Variants in ERLEC1 observed in about 807,000 individuals in gnomAD.
ERLEC1 encodes the protein endoplasmic reticulum lectin 1.
ERLEC1 carries 47 observed loss-of-function variants against 68.0 expected under a neutral mutation model. The ratio of observed to expected loss-of-function variants is 0.69; its 90% confidence interval spans 0.55 to 0.88. The LOEUF is 0.88. Among genes scored for constraint, ERLEC1 ranks in the 40% least tolerant of loss-of-function variants. The probability of loss-of-function intolerance (pLI) is 0.00; values close to 1 mark genes in which losing one functional copy is unlikely to be tolerated. For synonymous variants in ERLEC1, 225 were observed against 203.2 expected (o/e 1.11, Z -0.91); for missense variants, 567 against 583.8 (o/e 0.97, Z 0.30).
intron 13 of ERLEC1, among the ~76,000 whole-genome samples, chr2:53,817,430 G>A (rs10205725): frequency 0.016 from 2,406 of 152,186 alleles, 63 homozygotes; most frequent in African/African-American, 0.055. Flanking sequence ...ATCGTGCCCA[G>A]CCTCCACTTG....
chr2:53,797,841 T>A, intron 5 of ERLEC1, 46 bp downstream of exon 5: 1 of 1,466,348 alleles, frequency 6.8e-7, no homozygotes, highest in Non-Finnish European at 9.4e-7. Flanking sequence ...GAATTTGGTT[T>A]AAAATATATG....
In ERLEC1 at chr2:53,797,540, T is replaced by C; in HGVS notation, c.374T>C (p.Val125Ala). ...ATTGAGTCTTATTGGACTTACGAAG[T>C]ATGTCATGGAAAACACATTCGGCAG... ...YRIESYWTYE[V>A]CHGKHIRQYH... The change falls in exon 4 of 14, where the codon GTA becomes GCA. Residue 125 changes from valine (V) to alanine (A), a missense_variant. By Grantham distance (64) the Val-to-Ala change is moderately conservative. Transcript: ENST00000185150. The C allele has an allele frequency of 6.2e-7, 1 of 1,612,604 alleles. No individual in the cohort carries two copies. The highest frequency in any genetic ancestry group is 8.5e-7 in the Non-Finnish European group (1 of 1,179,544).
intron 2 of ERLEC1, among the ~76,000 whole-genome samples, chr2:53,795,298 T>C (rs1265458744): frequency 6.6e-6 from 1 of 152,164 alleles, no homozygotes; most frequent in East Asian, 1.9e-4. Flanking sequence ...CTTGAACAAA[T>C]TTGAAACTGA....
At chr2:53,816,024 C>G (rs534016952) in intron 13 of ERLEC1, among the ~76,000 whole-genome samples, 9 of 151,976 alleles carry the variant, frequency 5.9e-5, no homozygotes, top group African/African-American at 2.2e-4. Context: ...GAGATAGGGT[C>G]TCACCATATT....
intron 1 of ERLEC1, chr2:53,788,552 A>T (rs1049747428): frequency 7.0e-6 from 1 of 143,402 alleles, no homozygotes; most frequent in Non-Finnish European, 1.5e-5. Flanking sequence ...AAATCCCACC[A>T]CTCCTGGCTA....
intron 10 of ERLEC1, among the ~76,000 whole-genome samples, chr2:53,810,678 G>A (rs1558605285): frequency 6.6e-6 from 1 of 152,168 alleles, no homozygotes; most frequent in Non-Finnish European, 1.5e-5. Context: ...ATCATACTGG[G>A]ACAGACTGTC....
intron 1 of ERLEC1, 114 bp downstream of exon 1, chr2:53,787,486 C>T (rs1007123328): frequency 4.8e-5 from 61 of 1,272,872 alleles, no homozygotes; most frequent in Non-Finnish European, 6.4e-5. Flanking sequence ...AGACTCTTAC[C>T]TTCCCCAAGC....
chr2:53,789,961 G>C (rs1201567020), intron 1 of ERLEC1, among the ~76,000 whole-genome samples: 1 of 149,736 alleles, frequency 6.7e-6, no homozygotes, highest in Non-Finnish European at 1.5e-5. Flanking sequence ...AGAAGTTGCA[G>C]TGATCCGAGA....
Position 53,801,384 on chromosome 2 carries a change from C to CT in ERLEC1, c.526-4dup, listed in dbSNP as rs767304609. 2.5e-4 allele frequency: 397 copies of CT among 1,577,558 alleles called. No homozygotes were observed. The highest frequency in any genetic ancestry group is 6.5e-4 in the South Asian group (58 of 89,440). On this transcript the variant is annotated splice_polypyrimidine_tract_variant and intron_variant, in intron 6 of 13. Transcript: ENST00000185150. ...TCTAATGAAAAGTCTGTCTTATACT[C>CT]TTTTTTTTTAAGATTCCCACTAAAA...
At chr2:53,803,788 T>C (rs1302773323) in intron 8 of ERLEC1, among the ~76,000 whole-genome samples, 1 of 152,076 alleles carries the variant, frequency 6.6e-6, no homozygotes, top group East Asian at 1.9e-4. Flanking sequence ...AATCTGCCAG[T>C]CAAGAAAAAT....
intron 11 of ERLEC1, 63 bp downstream of exon 11, chr2:53,813,136 GA>G: frequency 6.4e-7 from 1 of 1,553,438 alleles, no homozygotes; most frequent in Non-Finnish European, 8.7e-7. Context: ...TCAAAATATT[GA>G]AAAACATAAA....
rs532895347 is a variant in ERLEC1 at position 53,792,209 on chromosome 2, G to C, written c.163-2136G>C. 5.4e-5 allele frequency among the ~76,000 whole-genome samples: 8 copies of C among 147,700 alleles called. No individual in the cohort carries two copies. In the Admixed American group the frequency reaches 5.5e-4, roughly 10 times the overall value. On this transcript the variant is annotated intron_variant, in intron 1 of 13. Coordinates refer to ENST00000185150, the MANE Select transcript of ERLEC1 (RefSeq NM_015701.5). ...TGGGATTACCGGCGTGAGCCACCGCGCCAGGCCTTTTTTTTTTTTTTTTTA... is the reference window on the plus strand; with the variant it reads ...TGGGATTACCGGCGTGAGCCACCGCCCCAGGCCTTTTTTTTTTTTTTTTTA...
chr2:53,803,685 G>A (rs1676124219), intron 8 of ERLEC1, among the ~76,000 whole-genome samples: 1 of 152,198 alleles, frequency 6.6e-6, no homozygotes, highest in Admixed American at 6.5e-5. Flanking sequence ...TGAAGTAGGA[G>A]GATCACTTGA....
At chr2:53,793,714 AT>A (rs1675538553) in intron 1 of ERLEC1, among the ~76,000 whole-genome samples, 1 of 151,966 alleles carries the variant, frequency 6.6e-6, no homozygotes, top group Non-Finnish European at 1.5e-5. Context: ...CCCAAGTATA[AT>A]CACTATTTTA....
chr2:53,788,142 C>G (rs1338926218), intron 1 of ERLEC1, among the ~76,000 whole-genome samples: 3 of 152,152 alleles, frequency 2.0e-5, no homozygotes, highest in Non-Finnish European at 4.4e-5. Context: ...ATGACACTTA[C>G]CATGTAGTAA....
intron 1 of ERLEC1, among the ~76,000 whole-genome samples, chr2:53,791,109 C>G (rs951191449): frequency 3.3e-5 from 5 of 152,232 alleles, no homozygotes; most frequent in African/African-American, 1.2e-4. Flanking sequence ...TTTATAGCCT[C>G]TACCAGAATA....
intron 13 of ERLEC1, 50 bp downstream of exon 13, chr2:53,814,985 A>ATTTTTTTTTATT (rs747443760): frequency 6.2e-6 from 6 of 967,586 alleles, no homozygotes; most frequent in South Asian, 5.3e-5. Flanking sequence ...CCATGTTTTA[A>ATTTTTTTTTATT]TTTTTTTTTC....
At chr2:53,802,070 T>C (rs1676036616) in intron 8 of ERLEC1, among the ~76,000 whole-genome samples, 2 of 152,212 alleles carry the variant, frequency 1.3e-5, no homozygotes, top group African/African-American at 4.8e-5. Context: ...ATTTTAAAGT[T>C]TGACATCCTA....
At chr2:53,795,887 G>A (rs1675666059) in intron 2 of ERLEC1, 46 bp from the exon 3 acceptor site, 2 of 1,317,334 alleles carry the variant, frequency 1.5e-6, no homozygotes, top group East Asian at 2.3e-5. Context: ...AAAGTTGGGT[G>A]AAATTCTAGA....
Sources: allele counts gnomAD v4.1 joint callset (sites outside exome capture counted in the v4.1 genomes callset), GRCh38; gene constraint gnomAD v4.1.1; transcripts MANE v1.5; gene names NCBI Gene and HGNC (gene_info 2026-07-23, HGNC 2026-07-21).